Variants in WWC2 observed in about 807,000 individuals in gnomAD.
The protein encoded by WWC2 is protein WWC2.
A neutral mutation model predicts 138.5 loss-of-function variants in WWC2; 101 were observed. The ratio of observed to expected loss-of-function variants is 0.73; its 90% CI spans 0.62 to 0.86. The LOEUF (loss-of-function observed/expected upper bound fraction) is 0.86, where lower values mean the gene tolerates loss of function less well. Among genes scored for constraint, WWC2 ranks in the 40% least tolerant of loss-of-function variants. The pLI is 0.00. For missense variants in WWC2, 1,420 were observed against 1,419.4 expected, an observed-to-expected ratio of 1.00 and a Z score of -0.01; for synonymous variants, 558 against 538.4, an observed-to-expected ratio of 1.04 and a Z score of -0.50.
In WWC2 at chr4:183,265,785, G is replaced by A. The variant is rs1315297308; in HGVS notation, c.2120+17G>A. 6.2e-7 allele frequency: 1 copy of A among 1,609,838 alleles called. No individual in the cohort carries two copies. Among genetic ancestry groups the A allele is most frequent in the Non-Finnish European group, 8.5e-7 (1 of 1,177,870 alleles). On this transcript the variant is annotated intron_variant, in intron 13 of 22. Transcript: ENST00000403733. ...AGGACTCAGGTAAGGAATGTACGTG[G>A]GAAAGGAGCAGTTCTGACATCTGTG...
At chr4:183,271,037 C>A (rs754642208) in intron 15 of WWC2, 43 bp from the exon 16 acceptor site, 13 of 1,424,470 alleles carry the variant, frequency 9.1e-6, no homozygotes, top group South Asian at 1.6e-5. Flanking sequence ...ATTTTATTTT[C>A]TCTTCCTTAT....
At chr4:183,248,942 G>C (rs754634919) in intron 7 of WWC2, 82 bp downstream of exon 7, 33 of 1,321,626 alleles carry the variant, frequency 2.5e-5, no homozygotes, top group Non-Finnish European at 3.3e-5. Context: ...ACTGGAACCA[G>C]AAGTATATGT....
At chr4:183,272,617 CCAAGGCAACCACTAATCTCTACTA>C (rs1737726891) in intron 16 of WWC2, among the ~76,000 whole-genome samples, 1 of 152,056 alleles carries the variant, frequency 6.6e-6, no homozygotes, top group Non-Finnish European at 1.5e-5. Context: ...ACCTCTTTCC[CCAAGGCAACCACTAATCTCTACTA>C]CAAGGCAACC....
intron 1 of WWC2, among the ~76,000 whole-genome samples, chr4:183,185,151 A>C (rs1270683095): frequency 6.6e-6 from 1 of 152,218 alleles, no homozygotes; most frequent in Non-Finnish European, 1.5e-5. Flanking sequence ...TGAGTCGGAA[A>C]CTTTGAGGGT....
intron 4 of WWC2, among the ~76,000 whole-genome samples, chr4:183,215,984 T>C (rs1735744780): frequency 6.6e-6 from 1 of 152,216 alleles, no homozygotes; most frequent in African/African-American, 2.4e-5. Flanking sequence ...CAAAGCTCAT[T>C]TGCTCATATT....
intron 1 of WWC2, among the ~76,000 whole-genome samples, chr4:183,115,639 A>G (rs1732385699): frequency 6.6e-6 from 1 of 152,028 alleles, no homozygotes; most frequent in Non-Finnish European, 1.5e-5. Flanking sequence ...ATTTTTTCAT[A>G]TGCCTTCTTT....
rs755270997 is a variant in WWC2, at chr4:183,289,601, G to C, written c.3350G>C (p.Arg1117Thr). The C allele has an allele frequency of 6.2e-6, 10 of 1,613,806 alleles. No individual in the cohort carries two copies. The highest frequency in any genetic ancestry group is 7.6e-6 in the Non-Finnish European group (9 of 1,179,876). ...DLPPGVLEDE[R>T]FQRLLKQAEK... ...CCACCAGGCGTGCTGGAGGATGAGA[G>C]GTTCCAGAGGCTTCTGAAGCAAGCT... is the stretch of plus-strand genomic sequence containing the variant. Residue 1117 changes from arginine to threonine, a missense_variant, in exon 21 of 23, where the codon AGG becomes ACG. Transcript: ENST00000403733.
intron 1 of WWC2, among the ~76,000 whole-genome samples, chr4:183,161,594 T>C (rs1166425641): frequency 6.6e-6 from 1 of 152,226 alleles, no homozygotes; most frequent in African/African-American, 2.4e-5. Flanking sequence ...CAGGACGGAC[T>C]GCATATATAA....
At position 183,261,123 on chromosome 4, in the gene WWC2, A is replaced by G. The variant is rs756060539; in HGVS notation, c.1500A>G (p.Gly500=). The G allele has an allele frequency of 1.9e-6, 3 of 1,613,884 alleles. No homozygotes were observed. The highest frequency in any genetic ancestry group is 1.7e-5 in the Admixed American group (1 of 60,006). The part of the protein sequence containing the change: ...LQEKSGYIPS[G]PITTIHENEV... ...AGAAAAGCGGTTACATTCCTTCTGG[A>G]CCCATCACCACCATCCATGAAAACG... The change falls in exon 11 of 23, where the codon GGA becomes GGG. Residue 500 remains glycine (G), a synonymous_variant. Transcript: ENST00000403733.
At chr4:183,274,569 A>G (rs1737792191) in intron 16 of WWC2, among the ~76,000 whole-genome samples, 2 of 152,196 alleles carry the variant, frequency 1.3e-5, no homozygotes, top group Non-Finnish European at 2.9e-5. Context: ...AAGGATCAGT[A>G]TGCGACTTCT....
rs1739438799 is a variant in WWC2, at chr4:183,316,318, T to C, written c.*589T>C. ...AGACAATTTCCTTTTTGTCCTTTTA[T>C]ATTTTTCTAAAGAAAACTAAGATAT... On this transcript the variant is annotated 3_prime_UTR_variant, in exon 23 of 23. Transcript: ENST00000403733. 1.3e-5 allele frequency: 2 copies of C among 152,306 alleles called. No homozygotes were observed. The highest frequency in any genetic ancestry group is 4.8e-5 in the African/African-American group (2 of 41,460). 9.4% of individuals were successfully genotyped at this position (152,306 alleles called of 1,614,324 possible).
At chr4:183,309,697 A>G (rs1560898879) in intron 21 of WWC2, among the ~76,000 whole-genome samples, 2 of 152,248 alleles carry the variant, frequency 1.3e-5, no homozygotes, top group Non-Finnish European at 2.9e-5. Flanking sequence ...AGATTCTTAC[A>G]TACAATTCAG....
At chr4:183,243,781 G>A (rs1391520868) in intron 5 of WWC2, among the ~76,000 whole-genome samples, 1 of 142,532 alleles carries the variant, frequency 7.0e-6, no homozygotes, top group African/African-American at 2.8e-5. Context: ...GTGTGTGTGT[G>A]TGTGTGTGTG....
At chr4:183,140,919 C>T (rs1733283192) in intron 1 of WWC2, among the ~76,000 whole-genome samples, 2 of 152,212 alleles carry the variant, frequency 1.3e-5, no homozygotes, top group Admixed American at 6.5e-5. Flanking sequence ...CTCTGTGCTT[C>T]AGTTTCCTGA....
intron 21 of WWC2, among the ~76,000 whole-genome samples, chr4:183,300,927 CA>C (rs1314366674): frequency 6.6e-6 from 1 of 152,144 alleles, no homozygotes; most frequent in Non-Finnish European, 1.5e-5. Context: ...AAAGACGGAA[CA>C]GGATCCTGCG....
At chr4:183,315,595 T>C in intron 22 of WWC2, 68 bp from the exon 23 acceptor site, 2 of 1,290,066 alleles carry the variant, frequency 1.6e-6, no homozygotes, top group Non-Finnish European at 2.2e-6. Context: ...TCTTGGGGAC[T>C]GTTTTAATGG....
intron 1 of WWC2, among the ~76,000 whole-genome samples, chr4:183,151,967 C>T (rs1237598273): frequency 1.3e-5 from 2 of 152,090 alleles, no homozygotes; most frequent in Non-Finnish European, 1.5e-5. Flanking sequence ...TTATAGTAAA[C>T]ACTTTATATA....
intron 7 of WWC2, among the ~76,000 whole-genome samples, chr4:183,249,651 T>A (rs1736910315): frequency 6.6e-6 from 1 of 152,250 alleles, no homozygotes; most frequent in African/African-American, 2.4e-5. Context: ...TTTACCTTGG[T>A]ATTTACAGTA....
At chr4:183,212,456 C>T (rs1735625612) in intron 4 of WWC2, among the ~76,000 whole-genome samples, 1 of 152,132 alleles carries the variant, frequency 6.6e-6, no homozygotes, top group Admixed American at 6.5e-5. Context: ...CTGTGATCTA[C>T]TAGGCTAGAT....
Sources: gnomAD v4.1 joint callset for allele counts (sites outside exome capture counted in the v4.1 genomes callset) on GRCh38, gnomAD v4.1.1 for gene constraint, MANE v1.5 for transcripts, NCBI Gene and HGNC (gene_info 2026-07-23, HGNC 2026-07-21) for gene names.